Variants in CDH9 observed in about 807,000 individuals in gnomAD.
The protein encoded by CDH9 is cadherin-9.
In CDH9, 28 loss-of-function variants were observed where a neutral mutation model predicts 70.9. The ratio of observed to expected loss-of-function variants is 0.40; its 90% CI spans 0.29 to 0.54. The LOEUF (loss-of-function observed/expected upper bound fraction) is 0.54. Ranked by LOEUF, CDH9 falls within the 20% of genes least tolerant of loss-of-function variation. The pLI, the probability that CDH9 is intolerant of heterozygous loss-of-function variation, is 0.59. For missense variants in CDH9, 874 were observed against 984.4 expected, an observed-to-expected ratio of 0.89 and a Z score of 1.50; for synonymous variants, 409 against 343.1, an observed-to-expected ratio of 1.19 and a Z score of -2.12.
At chr5:26,938,858 T>A (rs2112032910) in intron 2 of CDH9, among the ~76,000 whole-genome samples, 1 of 152,224 alleles carries the variant, frequency 6.6e-6, no homozygotes, top group South Asian at 2.1e-4. Context: ...TAAATGTGCA[T>A]CTGGTATGAT....
At chr5:26,890,676 A>G (rs1050897854) in intron 7 of CDH9, 112 bp from the exon 8 acceptor site, 1 of 720,498 alleles carries the variant, frequency 1.4e-6, no homozygotes, top group Non-Finnish European at 2.4e-6. Context: ...ATGAAATGCA[A>G]AATGCTAACA....
chr5:27,031,250 TG>T (rs1321649694), intron 1 of CDH9, among the ~76,000 whole-genome samples: 3 of 151,852 alleles, frequency 2.0e-5, no homozygotes, highest in African/African-American at 7.2e-5. Flanking sequence ...ACCGCTATAT[TG>T]TATGACTATA....
chr5:26,950,763 C>T (rs1179130493), intron 2 of CDH9, among the ~76,000 whole-genome samples: 1 of 152,190 alleles, frequency 6.6e-6, no homozygotes, highest in Non-Finnish European at 1.5e-5. Context: ...TCTGGAGTAA[C>T]ATTATGTTTA....
At chr5:26,980,737 T>C (rs1226160255) in intron 2 of CDH9, among the ~76,000 whole-genome samples, 1 of 152,078 alleles carries the variant, frequency 6.6e-6, no homozygotes, top group African/African-American at 2.4e-5. Flanking sequence ...ATACAGTTTA[T>C]GTATTAGGAA....
rs1278283658 is a variant in CDH9 at position 26,924,886 on chromosome 5, AT to A, written c.229-8963del. 3.3e-5 allele frequency among the ~76,000 whole-genome samples: 5 copies of A among 152,010 alleles called. No individual in the cohort carries two copies. The East Asian group carries it at 9.7e-4, about 29-fold the overall frequency. ...GTCCCTGCAAGGACATGAACTCAAC[AT>A]TTTTTATGGCTGCATAATATTCCAT... is the stretch of plus-strand genomic sequence containing the variant. On this transcript the variant is annotated intron_variant, in intron 2 of 11. Coordinates refer to ENST00000231021, the MANE Select transcript of CDH9 (RefSeq NM_016279.4).
chr5:26,900,607 G>A (rs1278889671), intron 7 of CDH9, among the ~76,000 whole-genome samples: 3 of 152,068 alleles, frequency 2.0e-5, no homozygotes, highest in Admixed American at 6.6e-5. Flanking sequence ...ACTCAAAAAT[G>A]TTCAATTGTC....
intron 1 of CDH9, among the ~76,000 whole-genome samples, chr5:27,023,974 C>T (rs868505749): frequency 2.0e-5 from 3 of 151,890 alleles, no homozygotes; most frequent in Non-Finnish European, 4.4e-5. Context: ...TTTGCTTGAA[C>T]CCGGGAGGCT....
At chr5:26,966,535 A>C (rs1439506004) in intron 2 of CDH9, among the ~76,000 whole-genome samples, 1 of 151,874 alleles carries the variant, frequency 6.6e-6, no homozygotes, top group South Asian at 2.1e-4. Context: ...TTTCCTTTTT[A>C]CTTTTCCTAC....
chr5:26,971,073 T>A (rs1742211741), intron 2 of CDH9, among the ~76,000 whole-genome samples: 1 of 152,170 alleles, frequency 6.6e-6, no homozygotes, highest in Admixed American at 6.5e-5. Flanking sequence ...CCTATGAAGT[T>A]CCTTTTGACA....
intron 2 of CDH9, among the ~76,000 whole-genome samples, chr5:26,984,076 T>C (rs1742449537): frequency 6.6e-6 from 1 of 152,126 alleles, no homozygotes; most frequent in Non-Finnish European, 1.5e-5. Context: ...AAACCAATTG[T>C]AACCATGAAG....
chr5:26,978,597 C>T (rs1742343742), intron 2 of CDH9, among the ~76,000 whole-genome samples: 1 of 150,272 alleles, frequency 6.7e-6, no homozygotes. Context: ...TTTTTAAATG[C>T]TCATTTAATT....
chr5:26,967,124 T>C (rs949928671), intron 2 of CDH9, among the ~76,000 whole-genome samples: 1 of 151,420 alleles, frequency 6.6e-6, no homozygotes, highest in Non-Finnish European at 1.5e-5. Context: ...TTTATTTTAT[T>C]TTATTTTTTT....
intron 2 of CDH9, among the ~76,000 whole-genome samples, chr5:26,930,591 T>C (rs1161122704): frequency 2.6e-5 from 4 of 152,134 alleles, no homozygotes; most frequent in African/African-American, 7.2e-5. Context: ...GTTGGACATA[T>C]GCATAGAGCT....
Position 27,018,342 on chromosome 5 carries a change from A to G in CDH9, c.-50+20121T>C, listed in dbSNP as rs557811745. Among the ~76,000 whole-genome samples the G allele has an allele frequency of 2.0e-4, 31 of 151,820 alleles. No homozygotes were observed. The East Asian group carries it at 6.0e-3, about 29-fold the overall frequency. ...CACACATACATGTAAAATTAAATAT[A>G]TATGTAAAATTAAATATATATAAAA... On this transcript the variant is annotated intron_variant, in intron 1 of 11. Transcript: ENST00000231021.
At position 26,881,420 on chromosome 5, in the gene CDH9, T is replaced by C. The variant is rs1561180441; in HGVS notation, c.2086A>G (p.Thr696Ala). Residue 696 changes from threonine (T) to alanine (A), a missense_variant, in exon 12 of 12, where the codon ACT becomes GCT. By Grantham distance (58) the Thr-to-Ala change is moderately conservative (BLOSUM62 0). Coordinates refer to ENST00000231021, the MANE Select transcript of CDH9 (RefSeq NM_016279.4). Reference protein sequence around the residue: ...SKLRRDVMPETIFQIRRTVPL... With the variant: ...SKLRRDVMPEAIFQIRRTVPL... ...ACAGTCCTCCTTATCTGAAAAATAGTTTCAGGCATTACATCCCGTCTAAGT... is the reference window on the plus strand; with the variant it reads ...ACAGTCCTCCTTATCTGAAAAATAGCTTCAGGCATTACATCCCGTCTAAGT... 4 of 1,613,578 alleles carry C rather than the reference T, an allele frequency of 2.5e-6. No homozygotes were observed. The highest frequency in any genetic ancestry group is 3.4e-6 in the Non-Finnish European group (4 of 1,179,598).
intron 2 of CDH9, among the ~76,000 whole-genome samples, chr5:26,962,865 T>A (rs1043564478): frequency 3.9e-5 from 6 of 152,174 alleles, no homozygotes; most frequent in Non-Finnish European, 7.3e-5. Flanking sequence ...TTGGTTTAGA[T>A]CCTGCTCACC....
intron 2 of CDH9, among the ~76,000 whole-genome samples, chr5:26,939,938 C>T (rs918418494): frequency 6.6e-6 from 1 of 151,832 alleles, no homozygotes; most frequent in African/African-American, 2.4e-5. Flanking sequence ...TCACTTGAGC[C>T]CAGGAGTTTG....
intron 1 of CDH9, among the ~76,000 whole-genome samples, chr5:27,006,066 G>A (rs1376455728): frequency 6.6e-6 from 1 of 151,906 alleles, no homozygotes; most frequent in Non-Finnish European, 1.5e-5. Context: ...ATAACTGTTG[G>A]GTACTGGGCT....
chr5:26,907,277 T>C (rs1740965531), intron 3 of CDH9, among the ~76,000 whole-genome samples: 2 of 152,026 alleles, frequency 1.3e-5, no homozygotes, highest in African/African-American at 4.8e-5. Flanking sequence ...TGACTGTAAA[T>C]GGTAAATAAA....
Sources: allele counts gnomAD v4.1 joint callset (sites outside exome capture counted in the v4.1 genomes callset), GRCh38; gene constraint gnomAD v4.1.1; transcripts MANE v1.5; gene names NCBI Gene and HGNC (gene_info 2026-07-23, HGNC 2026-07-21).